The following PDXDC1 variants were observed in gnomAD, a reference collection of about 807,000 sequenced individuals.
PDXDC1 encodes pyridoxal-dependent decarboxylase domain-containing protein 1.
In PDXDC1, 42 loss-of-function variants were observed where a neutral mutation model predicts 100.1. The ratio of observed to expected loss-of-function variants is 0.42; its 90% CI spans 0.33 to 0.54. The LOEUF is 0.54. Ranked by LOEUF, PDXDC1 falls within the 20% of genes least tolerant of loss-of-function variation. The probability of loss-of-function intolerance (pLI) is 0.10; values close to 1 mark genes in which losing one functional copy is unlikely to be tolerated. For synonymous variants in PDXDC1, 260 were observed against 371.7 expected (o/e 0.70, Z 3.46); for missense variants, 636 against 979.2 (o/e 0.65, Z 4.68).
At chr16:14,999,687 A>G (rs1678791497) in intron 3 of PDXDC1, among the ~76,000 whole-genome samples, 1 of 152,268 alleles carries the variant, frequency 6.6e-6, no homozygotes, top group South Asian at 2.1e-4. Context: ...TTCATAATGT[A>G]AATGAAAGGA....
chr16:15,009,850 G>A, intron 8 of PDXDC1, 91 bp downstream of exon 8: 1 of 1,605,742 alleles, frequency 6.2e-7, no homozygotes, highest in Non-Finnish European at 8.5e-7. Context: ...TAAGAAATGT[G>A]TGTGTACCAC....
intron 16 of PDXDC1, chr16:15,130,269 G>A (rs1374887157): frequency 1.3e-6 from 2 of 1,544,138 alleles, no homozygotes; most frequent in East Asian, 2.4e-5. Context: ...GAGGTGGCGG[G>A]TGAGGCAGAC....
intron 16 of PDXDC1, among the ~76,000 whole-genome samples, chr16:15,104,045 A>G (rs2046669064): frequency 3.2e-5 from 1 of 31,640 alleles, no homozygotes; most frequent in Admixed American, 3.5e-4. Context: ...GGTGGCACAC[A>G]TCTGTGATCC....
downstream of PDXDC1, among the ~76,000 whole-genome samples, chr16:15,140,095 CAAA>C (rs372891971): frequency 2.3e-5 from 1 of 43,846 alleles, no homozygotes; most frequent in Admixed American, 3.9e-4. Context: ...GACTCCATCT[CAAA>C]AAAAAAAAAA....
chr16:15,033,113 C>T (rs2043167667), intron 18 of PDXDC1, 134 bp downstream of exon 18: 1 of 958,352 alleles, frequency 1.0e-6, no homozygotes, highest in Non-Finnish European at 1.6e-6. Flanking sequence ...GGTTCTGAGA[C>T]CTCCCTCCCC....
chr16:15,042,858 G>T (rs1248411879), downstream of PDXDC1, among the ~76,000 whole-genome samples: 1 of 149,150 alleles, frequency 6.7e-6, no homozygotes, highest in African/African-American at 2.5e-5. Context: ...TCAGCCTCCT[G>T]AATAGCTGGG....
chr16:14,997,019 A>T (rs928448475), intron 1 of PDXDC1, among the ~76,000 whole-genome samples: 2 of 152,300 alleles, frequency 1.3e-5, no homozygotes, highest in South Asian at 4.1e-4. Context: ...GCTGTGTACA[A>T]TGGCCAGGCT....
chr16:15,134,100 G>A (rs778074673), intron 16 of PDXDC1: 5 of 1,528,900 alleles, frequency 3.3e-6, no homozygotes, highest in Non-Finnish European at 4.4e-6. Flanking sequence ...GTGGTGAGGG[G>A]GCGCAACCCT....
At chr16:15,062,650 A>G (rs936670191) in intron 16 of PDXDC1, among the ~76,000 whole-genome samples, 3 of 152,230 alleles carry the variant, frequency 2.0e-5, no homozygotes, top group African/African-American at 7.2e-5. Context: ...CAATTTCAAC[A>G]TGAGTCAACT....
At chr16:15,073,984 G>C (rs1294608711) in intron 16 of PDXDC1, among the ~76,000 whole-genome samples, 1 of 152,134 alleles carries the variant, frequency 6.6e-6, no homozygotes, top group Non-Finnish European at 1.5e-5. Flanking sequence ...CTTGTGTTTA[G>C]TGTGACACCC....
chr16:15,068,211 A>C, intron 16 of PDXDC1: 1 of 1,598,166 alleles, frequency 6.3e-7, no homozygotes, highest in Non-Finnish European at 8.5e-7. Flanking sequence ...GGGCAGGCAA[A>C]TCTTCAGGGG....
At chr16:15,047,937 T>G (rs201113358) in intron 16 of PDXDC1, 38 of 1,610,512 alleles carry the variant, frequency 2.4e-5, no homozygotes, top group East Asian at 4.5e-5. Context: ...AAAAAAGAAA[T>G]AAAATAAAAT....
chr16:15,098,637 T>C (rs1164221967), intron 16 of PDXDC1, among the ~76,000 whole-genome samples: 3 of 151,560 alleles, frequency 2.0e-5, no homozygotes, highest in Admixed American at 1.3e-4. Context: ...CCAGCACTTT[T>C]GGAGGCCAAG....
intron 16 of PDXDC1, among the ~76,000 whole-genome samples, chr16:15,111,533 G>C (rs561600277): frequency 6.7e-6 from 1 of 148,694 alleles, no homozygotes; most frequent in South Asian, 2.1e-4. Context: ...GCCGAGGCGG[G>C]TGAATCACAA....
intron 16 of PDXDC1, chr16:15,104,704 A>C: frequency 6.3e-7 from 1 of 1,597,510 alleles, no homozygotes; most frequent in Non-Finnish European, 8.5e-7. Flanking sequence ...GCTGTGAGGT[A>C]GGGCCAGCAG....
At chr16:15,040,149 C>A, downstream of PDXDC1, 2 of 729,404 alleles carry the variant, frequency 2.7e-6, no homozygotes, top group South Asian at 1.7e-5. Context: ...TACCACCACT[C>A]CTAAGAGAAA....
chr16:14,999,930 T>C (rs1291047428), intron 3 of PDXDC1, among the ~76,000 whole-genome samples: 1 of 152,264 alleles, frequency 6.6e-6, no homozygotes, highest in Non-Finnish European at 1.5e-5. Context: ...TCCTTTGACT[T>C]GAATATAAAT....
chr16:15,103,186 C>G, intron 16 of PDXDC1: 1 of 584,238 alleles, frequency 1.7e-6, no homozygotes, highest in South Asian at 2.0e-5. Flanking sequence ...ATGGTCCTGG[C>G]AAGAGAGGAG....
rs542039603 is a variant in PDXDC1, at chr16:15,089,596, C to T, written c.1400-49283C>T. ...CGGGCGGATCACGAGGTCAGAAGAT[C>T]GAGACCATCCTGGCTAACATGGTGA... On this transcript the variant is annotated intron_variant, in intron 16 of 16. Coordinates refer to the PDXDC1 transcript ENST00000535621. Among the ~76,000 whole-genome samples the T allele has an allele frequency of 5.0e-4, 75 of 150,788 alleles. 1 individual carries two copies. Among genetic ancestry groups the T allele is most frequent in the South Asian group, 1.9e-3 (9 of 4,756 alleles).
Sources: gnomAD v4.1 joint callset for allele counts (sites outside exome capture counted in the v4.1 genomes callset) on GRCh38, gnomAD v4.1.1 for gene constraint, MANE v1.5 for transcripts, NCBI Gene and HGNC (gene_info 2026-07-23, HGNC 2026-07-21) for gene names.